Variants in CIAO1 observed in about 807,000 individuals in gnomAD.
The protein encoded by CIAO1 is probable cytosolic iron-sulfur protein assembly protein CIAO1.
In CIAO1, 32 loss-of-function variants were observed where a neutral mutation model predicts 43.1. The ratio of observed to expected loss-of-function variants is 0.74; its 90% confidence interval spans 0.56 to 1.00. CIAO1 has a LOEUF of 1.00. Ranked by LOEUF, CIAO1 falls within the 50% of genes least tolerant of loss-of-function variation. The pLI is 0.00. For missense variants in CIAO1, 415 were observed against 437.4 expected, an observed-to-expected ratio of 0.95 and a Z score of 0.46; for synonymous variants, 183 against 171.4, an observed-to-expected ratio of 1.07 and a Z score of -0.53.
In CIAO1 at chr2:96,269,367, T is replaced by C. The variant is rs376368442; in HGVS notation, c.779+12T>C. 10 of 1,606,770 alleles carry C rather than the reference T, an allele frequency of 6.2e-6. No individual in the cohort carries two copies. The African/African-American group carries it at 6.7e-5, about 11-fold the overall frequency. On this transcript the variant is annotated intron_variant, in intron 6 of 6. Coordinates refer to ENST00000488633, the MANE Select transcript of CIAO1 (RefSeq NM_004804.3). ...TATGACATTGCTTGGTAAGACTCCA[T>C]CCCCCCACCCCATCCCATCCCCATA...
intron 6 of CIAO1, 71 bp downstream of exon 6, chr2:96,269,426 A>G: frequency 7.2e-7 from 1 of 1,398,282 alleles, no homozygotes; most frequent in Non-Finnish European, 1.0e-6. Context: ...TACCCTATGC[A>G]GTCCTCTGCA....
In CIAO1 at chr2:96,271,373, G is replaced by T. The variant is rs1684547125; in HGVS notation, c.*22G>T. 3 of 1,607,670 alleles carry T rather than the reference G, an allele frequency of 1.9e-6. No individual in the cohort carries two copies. In the South Asian group the frequency reaches 3.3e-5, roughly 18 times the overall value. On this transcript the variant is annotated 3_prime_UTR_variant, in exon 7 of 7. Coordinates refer to ENST00000488633, the MANE Select transcript of CIAO1 (RefSeq NM_004804.3). ...CTGAGCTACCTCGACTTTGGACAGA[G>T]TAATGACTCCCCAGAAAACGTCATA...
Position 96,271,393 on chromosome 2 carries a change from G to T in CIAO1, c.*42G>T. On this transcript the variant is annotated 3_prime_UTR_variant, in exon 7 of 7. Transcript: ENST00000488633. ...ACAGAGTAATGACTCCCCAGAAAAC[G>T]TCATATAAGACTTTACCAGCCCCTG... 6.3e-7 allele frequency: 1 copy of T among 1,599,684 alleles called. No homozygotes were observed. Among genetic ancestry groups the T allele is most frequent in the Non-Finnish European group, 8.5e-7 (1 of 1,172,744 alleles).
chr2:96,270,875 A>G (rs1216307135), intron 6 of CIAO1, among the ~76,000 whole-genome samples: 1 of 152,014 alleles, frequency 6.6e-6, no homozygotes, highest in African/African-American at 2.4e-5. Context: ...AGGAAAGTGC[A>G]GTTCATAATT....
chr2:96,267,693 C>T lies in CIAO1; in HGVS notation c.357C>T (p.Leu119=). The T allele has an allele frequency of 1.2e-6, 2 of 1,614,148 alleles. No individual in the cohort carries two copies. Among genetic ancestry groups the T allele is most frequent in the Non-Finnish European group, 1.7e-6 (2 of 1,180,034 alleles). Residue 119 remains leucine (L), a synonymous_variant, in exon 3 of 7, where the codon CTC becomes CTT. Transcript: ENST00000488633. Reference sequence around the variant, plus strand: ...TGGCTTGGGCCCCATCTGGCAACCTCCTGGCCACTTGCAGCCGAGATAAGA... The same window carrying T: ...TGGCTTGGGCCCCATCTGGCAACCTTCTGGCCACTTGCAGCCGAGATAAGA... The part of the protein sequence containing the change: ...KSVAWAPSGN[L]LATCSRDKSV...
chr2:96,267,760 G>T (rs959031849), intron 3 of CIAO1, 24 bp downstream of exon 3: 9 of 1,613,262 alleles, frequency 5.6e-6, no homozygotes, highest in Admixed American at 1.7e-5. Flanking sequence ...CCTCCAGGTG[G>T]ATTGGGAACC....
chr2:96,272,978 T>C lies in CIAO1; in HGVS notation c.*1627T>C, dbSNP rs1476280501. 6.6e-6 allele frequency: 1 copy of C among 152,162 alleles called. No individual in the cohort carries two copies. The highest frequency in any genetic ancestry group is 1.5e-5 in the Non-Finnish European group (1 of 68,020). 9.4% of individuals were successfully genotyped at this position (152,162 alleles called of 1,614,324 possible). A position where few individuals can be genotyped will look rare whatever the true frequency, so the allele number is the denominator to read the frequency against. Reference sequence around the variant, plus strand: ...TGTGTTCAAGGCATGCCCTTTAGAATTGAAAGAACTAGCAGATTACGGTAT... The same window carrying C: ...TGTGTTCAAGGCATGCCCTTTAGAACTGAAAGAACTAGCAGATTACGGTAT... On this transcript the variant is annotated 3_prime_UTR_variant, in exon 7 of 7. Transcript: ENST00000488633.
chr2:96,270,092 A>T (rs1232290178), intron 6 of CIAO1, among the ~76,000 whole-genome samples: 2 of 152,234 alleles, frequency 1.3e-5, no homozygotes, highest in Non-Finnish European at 2.9e-5. Context: ...AAAACTGAGC[A>T]CTTAAGCTTG....
Position 96,268,585 on chromosome 2 carries a change from C to T in CIAO1, c.618C>T (p.Gly206=). 6.2e-7 allele frequency: 1 copy of T among 1,614,182 alleles called. No homozygotes were observed. Among genetic ancestry groups the T allele is most frequent in the South Asian group, 1.1e-5 (1 of 91,080 alleles). The part of the protein sequence containing the change: ...TVWSLAFDPS[G]QRLASCSDDR... The stretch of plus-strand genomic sequence containing the variant: ...GGAGCTTGGCCTTTGACCCGAGTGG[C>T]CAGCGCCTGGCGTCTTGTAGTGATG... Residue 206 remains glycine (G), a synonymous_variant, in exon 5 of 7, where the codon GGC becomes GGT. Transcript: ENST00000488633.
chr2:96,271,461 T>C lies in CIAO1; in HGVS notation c.*110T>C. 1.4e-5 allele frequency: 19 copies of C among 1,339,860 alleles called. No individual in the cohort carries two copies. Among genetic ancestry groups the C allele is most frequent in the Non-Finnish European group, 1.9e-5 (19 of 989,710 alleles). The allele number at this position is 1,339,860 out of a possible 1,614,324, so 83.0% of individuals were successfully genotyped here. ...ATCCTTGACCTTCATTTAACTTGGC[T>C]CACTTCTCTTCAGACTTGGGTAGAA... On this transcript the variant is annotated 3_prime_UTR_variant, in exon 7 of 7. Transcript: ENST00000488633.
At position 96,271,222 on chromosome 2, in the gene CIAO1, C is replaced by G. The variant is rs150585467; in HGVS notation, c.891C>G (p.His297Gln). 3.7e-6 allele frequency: 6 copies of G among 1,614,160 alleles called. No homozygotes were observed. Among genetic ancestry groups the G allele is most frequent in the Admixed American group, 1.7e-5 (1 of 60,012 alleles). Residue 297 changes from histidine to glutamine, a missense_variant, in exon 7 of 7, where the codon CAC (histidine) becomes CAG (glutamine). Coordinates refer to ENST00000488633, the MANE Select transcript of CIAO1 (RefSeq NM_004804.3). ...PQQPTFSLTA[H>Q]LHQAHSQDVN... ...AGCCCACCTTCTCCCTGACAGCCCA[C>G]TTGCATCAGGCCCATTCCCAGGATG...
rs537962566 is a variant in CIAO1 at position 96,271,725 on chromosome 2, C to T, written c.*374C>T. ...AAATAATCCATCTGCATCCCAAGTCCTATTTTATAAGGATATTCATAAAAA... is the reference window on the plus strand; with the variant it reads ...AAATAATCCATCTGCATCCCAAGTCTTATTTTATAAGGATATTCATAAAAA... On this transcript the variant is annotated 3_prime_UTR_variant, in exon 7 of 7. Transcript: ENST00000488633. The T allele has an allele frequency of 6.1e-6, 1 of 165,026 alleles. No homozygotes were observed. The highest frequency in any genetic ancestry group is 1.7e-4 in the East Asian group (1 of 5,742). 10.2% of individuals were successfully genotyped at this position (165,026 alleles called of 1,614,324 possible).
At position 96,273,386 on chromosome 2, in the gene CIAO1, G is replaced by C. The variant is rs957711723; in HGVS notation, c.*2035G>C. On this transcript the variant is annotated 3_prime_UTR_variant, in exon 7 of 7. Coordinates refer to ENST00000488633, the MANE Select transcript of CIAO1 (RefSeq NM_004804.3). ...AAGAAACTATGACTTGTAGTAAGCC[G>C]GGCGCGGTGGCTCACGCCTGTAATC... is the stretch of plus-strand genomic sequence containing the variant. 1.3e-5 allele frequency: 2 copies of C among 152,256 alleles called. No individual in the cohort carries two copies. The highest frequency in any genetic ancestry group is 4.8e-5 in the African/African-American group (2 of 41,532). The allele number at this position is 152,256 out of a possible 1,614,324, so 9.4% of individuals were successfully genotyped here. A position where few individuals can be genotyped will look rare whatever the true frequency, so the allele number is the denominator to read the frequency against.
At chr2:96,270,994 A>T in intron 6 of CIAO1, 117 bp from the exon 7 acceptor site, 1 of 1,291,256 alleles carries the variant, frequency 7.7e-7, no homozygotes, top group Non-Finnish European at 1.1e-6. Flanking sequence ...GAAACATTTT[A>T]ATAAGAGGTT....
rs2104317266 is a variant in CIAO1, at chr2:96,269,036, GCA to G, written c.692-231_692-230del. On this transcript the variant is annotated intron_variant, in intron 5 of 6. Transcript: ENST00000488633. ...GCTGGTGGGTGGCCTTCACAGGCAC[GCA>G]AAGTAGTTACATACAGTCTGCAACA... 3 of 591,284 alleles carry G rather than the reference GCA, an allele frequency of 5.1e-6. No individual in the cohort carries two copies. The South Asian group carries it at 6.0e-5, about 12-fold the overall frequency. 36.6% of individuals were successfully genotyped at this position (591,284 alleles called of 1,614,324 possible).
intron 6 of CIAO1, among the ~76,000 whole-genome samples, chr2:96,270,171 C>T (rs1461305495): frequency 6.6e-6 from 1 of 152,202 alleles, no homozygotes; most frequent in African/African-American, 2.4e-5. Flanking sequence ...TATGGTAGAA[C>T]TCAGCTTGTT....
intron 1 of CIAO1, 29 bp downstream of exon 1, chr2:96,266,518 C>T (rs1387712646): frequency 7.0e-7 from 1 of 1,436,982 alleles, no homozygotes. Flanking sequence ...GCGCGGCCCT[C>T]AGCGCTGAGG....
At chr2:96,269,387 C>T (rs762535598) in intron 6 of CIAO1, 32 bp downstream of exon 6, 4 of 1,587,336 alleles carry the variant, frequency 2.5e-6, no homozygotes, top group African/African-American at 2.7e-5. Context: ...CCATCCCATC[C>T]CCATAAATCA....
chr2:96,268,590 G>A lies in CIAO1; in HGVS notation c.623G>A (p.Arg208His), dbSNP rs761581891. The A allele has an allele frequency of 5.0e-6, 8 of 1,614,072 alleles. No homozygotes were observed. The highest frequency in any genetic ancestry group is 4.5e-5 in the East Asian group (2 of 44,902). ...WSLAFDPSGQ[R>H]LASCSDDRTV... is the part of the protein sequence containing the mutation. ...TTGGCCTTTGACCCGAGTGGCCAGC[G>A]CCTGGCGTCTTGTAGTGATGACCGT... The change falls in exon 5 of 7, where the codon CGC (arginine) becomes CAC (histidine). Residue 208 changes from arginine (R) to histidine (H), a missense_variant. Transcript: ENST00000488633.
Sources: allele counts gnomAD v4.1 joint callset (sites outside exome capture counted in the v4.1 genomes callset), GRCh38; gene constraint gnomAD v4.1.1; transcripts MANE v1.5; gene names NCBI Gene and HGNC (gene_info 2026-07-23, HGNC 2026-07-21).